Variants in IL1RAPL2 observed in about 807,000 individuals in gnomAD.
IL1RAPL2 encodes the protein X-linked interleukin-1 receptor accessory protein-like 2.
IL1RAPL2 carries 3 observed loss-of-function variants against 44.1 expected under a neutral mutation model. The ratio of observed to expected loss-of-function variants is 0.07; its 90% CI spans 0.03 to 0.18. The LOEUF is 0.18. Among genes scored for constraint, IL1RAPL2 ranks in the 10% least tolerant of loss-of-function variants. IL1RAPL2 has a pLI of 1.00. For missense variants in IL1RAPL2, 391 were observed against 496.4 expected (o/e 0.79, Z 2.02); for synonymous variants, 181 against 178.8 (o/e 1.01, Z -0.10).
chrX:104,897,296 C>T (rs972668127), intron 2 of IL1RAPL2, among the ~76,000 whole-genome samples: 1 of 112,050 alleles, frequency 8.9e-6, no homozygotes, highest in African/African-American at 3.2e-5. Flanking sequence ...TGGGGAATAG[C>T]TGGACATTTC....
At chrX:105,712,036 C>G (rs2038215294) in intron 6 of IL1RAPL2, among the ~76,000 whole-genome samples, 1 of 111,474 alleles carries the variant, frequency 9.0e-6, no homozygotes. Context: ...AGTCTCATGC[C>G]TGTAGCTTTT....
At chrX:104,633,937 G>C (rs1406910553) in intron 1 of IL1RAPL2, among the ~76,000 whole-genome samples, 1 of 110,957 alleles carries the variant, frequency 9.0e-6, no homozygotes, top group Non-Finnish European at 1.9e-5. Context: ...TGTGATGTTA[G>C]GGTGTCAATT....
chrX:104,779,234 G>C (rs762942682), intron 2 of IL1RAPL2, among the ~76,000 whole-genome samples: 1 of 112,250 alleles, frequency 8.9e-6, no homozygotes, highest in African/African-American at 3.2e-5. Context: ...ATTATAGGGA[G>C]GCTTTAAGTG....
At chrX:104,871,084 T>C (rs982694539) in intron 2 of IL1RAPL2, among the ~76,000 whole-genome samples, 6 of 111,572 alleles carry the variant, frequency 5.4e-5, no homozygotes, top group African/African-American at 1.9e-4. Flanking sequence ...TAACGACTTA[T>C]ATAAGTTCTT....
intron 2 of IL1RAPL2, among the ~76,000 whole-genome samples, chrX:104,669,302 C>T (rs1029710667): frequency 9.0e-6 from 1 of 111,560 alleles, no homozygotes; most frequent in African/African-American, 3.3e-5. Context: ...GGACACACCT[C>T]TTCCTTTTTG....
At chrX:105,594,531 G>C (rs760199814) in intron 6 of IL1RAPL2, among the ~76,000 whole-genome samples, 56 of 111,184 alleles carry the variant, frequency 5.0e-4, no homozygotes, top group Admixed American at 5.8e-4. Flanking sequence ...TTTAGCATCT[G>C]GTAGGACAAG....
chrX:104,745,555 T>C (rs182238720), intron 2 of IL1RAPL2, among the ~76,000 whole-genome samples: 28 of 112,522 alleles, frequency 2.5e-4, no homozygotes, highest in African/African-American at 7.4e-4. Flanking sequence ...TACCAAGCCA[T>C]GTGCACCTGT....
chrX:104,682,974 A>C (rs956014277), intron 2 of IL1RAPL2, among the ~76,000 whole-genome samples: 9 of 111,764 alleles, frequency 8.1e-5, no homozygotes, highest in African/African-American at 2.9e-4. Context: ...TATAACTGCT[A>C]ATTGCCAAGC....
intron 2 of IL1RAPL2, among the ~76,000 whole-genome samples, chrX:104,687,388 C>T (rs986990925): frequency 2.7e-5 from 3 of 110,747 alleles, no homozygotes; most frequent in African/African-American, 9.9e-5. Flanking sequence ...AGGTGCCAGG[C>T]TCTTTTTTAA....
intron 6 of IL1RAPL2, among the ~76,000 whole-genome samples, chrX:105,603,267 G>C (rs1176323543): frequency 1.2e-5 from 1 of 86,679 alleles, no homozygotes; most frequent in African/African-American, 3.9e-5. Context: ...ACAAGACCCA[G>C]TCATATGACA....
At chrX:104,883,541 C>A (rs1362399321) in intron 2 of IL1RAPL2, among the ~76,000 whole-genome samples, 1 of 111,585 alleles carries the variant, frequency 9.0e-6, no homozygotes. Context: ...CCCATCTATT[C>A]TATCTATCTT....
At chrX:105,733,955 A>C (rs1018522247) in intron 7 of IL1RAPL2, among the ~76,000 whole-genome samples, 1 of 111,577 alleles carries the variant, frequency 9.0e-6, no homozygotes, top group African/African-American at 3.3e-5. Context: ...TGAAGTAAAT[A>C]GGCTTTTAAT....
chrX:105,144,094 G>GGTGTGTGTGTGT (rs762069943), intron 2 of IL1RAPL2, among the ~76,000 whole-genome samples: 14 of 79,564 alleles, frequency 1.8e-4, no homozygotes, highest in Middle Eastern at 7.0e-3. Flanking sequence ...TCAACAGATG[G>GGTGTGTGTGTGT]GTGTGTGTGT....
At chrX:105,496,410 T>C (rs1159654696) in intron 6 of IL1RAPL2, among the ~76,000 whole-genome samples, 1 of 112,366 alleles carries the variant, frequency 8.9e-6, no homozygotes, top group Non-Finnish European at 1.9e-5. Flanking sequence ...CTTAGCTCAA[T>C]TATGGGAAAA....
chrX:105,236,944 C>G (rs1000876487), intron 4 of IL1RAPL2, among the ~76,000 whole-genome samples: 1 of 110,650 alleles, frequency 9.0e-6, no homozygotes, highest in Non-Finnish European at 1.9e-5. Context: ...GTGCTGCACC[C>G]ATTAACTCAT....
At chrX:104,736,833 T>A (rs1051222665) in intron 2 of IL1RAPL2, among the ~76,000 whole-genome samples, 1 of 112,170 alleles carries the variant, frequency 8.9e-6, no homozygotes, top group Non-Finnish European at 1.9e-5. Context: ...TGAAAATATT[T>A]TTACTGTAGG....
intron 2 of IL1RAPL2, among the ~76,000 whole-genome samples, chrX:104,936,277 T>C (rs1925024780): frequency 1.8e-5 from 2 of 111,924 alleles, no homozygotes; most frequent in Admixed American, 1.9e-4. Flanking sequence ...TCCTGGATTA[T>C]GAACTCAATT....
chrX:104,812,544 C>G (rs1451898169), intron 2 of IL1RAPL2, among the ~76,000 whole-genome samples: 1 of 110,608 alleles, frequency 9.0e-6, no homozygotes, highest in Non-Finnish European at 1.9e-5. Flanking sequence ...TCTGCCTTAA[C>G]AAGAGCAGCA....
intron 1 of IL1RAPL2, among the ~76,000 whole-genome samples, chrX:104,631,176 T>G (rs1170102206): frequency 8.9e-6 from 1 of 112,025 alleles, no homozygotes; most frequent in African/African-American, 3.2e-5. Flanking sequence ...ACTCATCCTT[T>G]TTTATGGCTG....
Sources: gnomAD v4.1 joint callset for allele counts (sites outside exome capture counted in the v4.1 genomes callset) on GRCh38, gnomAD v4.1.1 for gene constraint, MANE v1.5 for transcripts, NCBI Gene and HGNC (gene_info 2026-07-23, HGNC 2026-07-21) for gene names.